CCDC82: variants seen among roughly 807,000 people sequenced by gnomAD.
CCDC82 encodes the protein coiled-coil domain containing 82.
CCDC82 carries 47 observed loss-of-function variants against 60.6 expected under a neutral mutation model. The ratio of observed to expected loss-of-function variants is 0.77; its 90% CI spans 0.61 to 0.99. The LOEUF is 0.99. Ranked by LOEUF, CCDC82 falls within the 50% of genes least tolerant of loss-of-function variation. The pLI is 0.00. For missense variants in CCDC82, 588 were observed against 633.0 expected, an observed-to-expected ratio of 0.93 and a Z score of 0.76; for synonymous variants, 212 against 207.4, an observed-to-expected ratio of 1.02 and a Z score of -0.19.
chr11:96,384,270 G>A lies in CCDC82; in HGVS notation c.478C>T (p.Leu160Phe). ...EKHLSQEDND[L>F]NKQTGQIIED... ...ATTATTTGTCCAGTTTGTTTGTTGA[G>A]ATCATTATCCTCTTGACTTAAATGT... The change falls in exon 4 of 10, where the codon CTC becomes TTC. Residue 160 changes from leucine to phenylalanine, a missense_variant. Transcript: ENST00000646818. The A allele has an allele frequency of 6.2e-7, 1 of 1,613,288 alleles. No individual in the cohort carries two copies. The highest frequency in any genetic ancestry group is 8.5e-7 in the Non-Finnish European group (1 of 1,179,700).
rs77144564 is a variant in CCDC82, at chr11:96,381,133, A to T, written c.991+2136T>A. On this transcript the variant is annotated intron_variant, in intron 5 of 9. Coordinates refer to ENST00000646818, the MANE Select transcript of CCDC82 (RefSeq NM_024725.4). The stretch of plus-strand genomic sequence containing the variant: ...AAAAAAACAACTAAAAGGTGTAAAG[A>T]AGTTGAAGTTCCCATATGCTAGCCT... 346 of 151,796 alleles carry T rather than the reference A, an allele frequency of 2.3e-3. 1 individual carries two copies. Among genetic ancestry groups the T allele is most frequent in the African/African-American group, 7.9e-3 (328 of 41,512 alleles). The allele number at this position is 151,796 out of a possible 1,614,324, so 9.4% of individuals were successfully genotyped here. A position where few individuals can be genotyped will look rare whatever the true frequency, so the allele number is the denominator to read the frequency against.
intron 8 of CCDC82, 157 bp downstream of exon 8, chr11:96,364,823 C>T (rs1472189173): frequency 1.4e-5 from 8 of 576,136 alleles, no homozygotes; most frequent in Non-Finnish European, 2.4e-5. Context: ...ATTAGATGAA[C>T]AGCTATCTTC....
At chr11:96,363,846 A>C (rs1021263926) in intron 8 of CCDC82, 1 of 152,142 alleles carries the variant, frequency 6.6e-6, no homozygotes, top group Non-Finnish European at 1.5e-5. Flanking sequence ...TTAATTATAT[A>C]CCCTTACATG....
At chr11:96,358,844 G>T in intron 9 of CCDC82, 149 bp downstream of exon 9, 1 of 825,528 alleles carries the variant, frequency 1.2e-6, no homozygotes, top group Non-Finnish European at 1.8e-6. Flanking sequence ...TGATAAGCAT[G>T]AAAGGAATGA....
intron 7 of CCDC82, among the ~76,000 whole-genome samples, chr11:96,366,803 A>T (rs1031503219): frequency 6.6e-6 from 1 of 152,206 alleles, no homozygotes; most frequent in African/African-American, 2.4e-5. Flanking sequence ...TTACTTGGCT[A>T]AAGTTAAATA....
intron 4 of CCDC82, 76 bp downstream of exon 4, chr11:96,383,886 G>C (rs1866019844): frequency 7.7e-7 from 1 of 1,303,016 alleles, no homozygotes; most frequent in East Asian, 2.5e-5. Flanking sequence ...AACGGACTCA[G>C]CACTTTTTTA....
intron 8 of CCDC82, among the ~76,000 whole-genome samples, chr11:96,360,349 C>T (rs1208685118): frequency 6.6e-6 from 1 of 150,870 alleles, no homozygotes; most frequent in Non-Finnish European, 1.5e-5. Context: ...CCTGTCACCA[C>T]ACGCAGCTAA....
chr11:96,360,234 G>A (rs547851015), intron 8 of CCDC82, among the ~76,000 whole-genome samples: 23 of 141,902 alleles, frequency 1.6e-4, no homozygotes, highest in Admixed American at 1.1e-3. Context: ...ATGGAGTTTC[G>A]CTTTTTCACC....
At chr11:96,380,392 T>C (rs918108605) in intron 5 of CCDC82, 16 of 151,720 alleles carry the variant, frequency 1.1e-4, no homozygotes, top group African/African-American at 3.6e-4. Flanking sequence ...ATACACAAGA[T>C]AAAATATGTT....
intron 8 of CCDC82, among the ~76,000 whole-genome samples, chr11:96,362,531 C>T (rs1864718269): frequency 6.6e-6 from 1 of 152,178 alleles, no homozygotes. Flanking sequence ...TCTGGATAGA[C>T]TCTGGGCAAA....
At chr11:96,380,915 C>A (rs1306883809) in intron 5 of CCDC82, 1 of 151,564 alleles carries the variant, frequency 6.6e-6, no homozygotes, top group Non-Finnish European at 1.5e-5. Flanking sequence ...CATGTCATTA[C>A]ACACTTGTCA....
At chr11:96,389,295 G>C (rs775096155) in intron 1 of CCDC82, 1 of 152,194 alleles carries the variant, frequency 6.6e-6, no homozygotes, top group Non-Finnish European at 1.5e-5. Context: ...CAGCAGGAAT[G>C]AGTGGTAGAC....
chr11:96,372,621 G>GAT lies in CCDC82; in HGVS notation c.1084+752_1084+753dup, dbSNP rs984049971. Among the ~76,000 whole-genome samples, 122 of 141,248 alleles carry GAT rather than the reference G, an allele frequency of 8.6e-4. 1 individual carries two copies. The highest frequency in any genetic ancestry group is 2.7e-3 in the African/African-American group (105 of 38,576). The allele number at this position is 141,248 out of a possible 152,430, so 92.7% of individuals were successfully genotyped here. A position where few individuals can be genotyped will look rare whatever the true frequency, so the allele number is the denominator to read the frequency against. On this transcript the variant is annotated intron_variant, in intron 6 of 9. Transcript: ENST00000646818. ...CTGTGCTAGATGCAAGAGAAATGGG[G>GAT]ATATATATATATAAATATAAATATA...
In CCDC82 at chr11:96,353,196, C is replaced by T. The variant is rs1333304020; in HGVS notation, c.*450G>A. The T allele has an allele frequency of 2.5e-5, 4 of 156,932 alleles. 1 individual carries two copies. In the South Asian group the frequency reaches 7.8e-4, roughly 31 times the overall value. 9.7% of individuals were successfully genotyped at this position (156,932 alleles called of 1,614,324 possible). On this transcript the variant is annotated 3_prime_UTR_variant, in exon 10 of 10. Coordinates refer to ENST00000646818, the MANE Select transcript of CCDC82 (RefSeq NM_024725.4). ...GATATATGAGGTTTCTTCCATGGCC[C>T]ACTGATTTAGATGATAGCAGTAAAA...
chr11:96,381,635 TA>T (rs1865882767), intron 5 of CCDC82: 2 of 151,810 alleles, frequency 1.3e-5, no homozygotes, highest in Non-Finnish European at 3.0e-5. Flanking sequence ...AAATATATCC[TA>T]CATTTTCAGG....
chr11:96,357,080 C>T, intron 9 of CCDC82: 1 of 985,428 alleles, frequency 1.0e-6, no homozygotes, highest in Non-Finnish European at 1.2e-6. Context: ...AGGCAGCACA[C>T]ATCACAAAGT....
intron 1 of CCDC82, 170 bp downstream of exon 1, chr11:96,389,674 G>T (rs1359983905): frequency 1.3e-5 from 2 of 152,370 alleles, no homozygotes; most frequent in African/African-American, 4.8e-5. Context: ...GGTTAGAGGC[G>T]CAAAGGGCTG....
At chr11:96,387,865 T>C (rs1297019919) in intron 1 of CCDC82, 1 of 152,202 alleles carries the variant, frequency 6.6e-6, no homozygotes, top group African/African-American at 2.4e-5. Flanking sequence ...ATCTTATTAA[T>C]AACACCAATT....
At chr11:96,355,091 A>G (rs1490038097) in intron 9 of CCDC82, 2 of 152,228 alleles carry the variant, frequency 1.3e-5, no homozygotes, top group African/African-American at 2.4e-5. Flanking sequence ...GTACTTAGAT[A>G]GGTTTTATTA....
Sources: gnomAD v4.1 joint callset for allele counts (sites outside exome capture counted in the v4.1 genomes callset) on GRCh38, gnomAD v4.1.1 for gene constraint, MANE v1.5 for transcripts, NCBI Gene and HGNC (gene_info 2026-07-23, HGNC 2026-07-21) for gene names.